COL5A1: variants seen among roughly 807,000 people sequenced by gnomAD.
COL5A1 encodes collagen type V alpha 1 chain, also known as collagen alpha-1(V) chain.
In COL5A1, 16 loss-of-function variants were observed where a neutral mutation model predicts 263.7. That is an observed-to-expected ratio of 0.06 (90% confidence interval 0.04 to 0.09). The LOEUF is 0.09. Ranked by LOEUF, COL5A1 falls within the 10% of genes least tolerant of loss-of-function variation. The probability of loss-of-function intolerance (pLI) is 1.00; values close to 1 mark genes in which losing one functional copy is unlikely to be tolerated. For synonymous variants in COL5A1, 1,012 were observed against 1,004.5 expected (o/e 1.01, Z -0.14); for missense variants, 2,036 against 2,540.5 (o/e 0.80, Z 4.27).
intron 18 of COL5A1, among the ~76,000 whole-genome samples, chr9:134,760,917 A>ATG (rs1836395568): frequency 6.8e-6 from 1 of 147,714 alleles, no homozygotes; most frequent in East Asian, 2.1e-4. Flanking sequence ...ATGCACACAC[A>ATG]CACGTACACA....
intron 28 of COL5A1, among the ~76,000 whole-genome samples, chr9:134,781,834 C>T (rs1206805798): frequency 6.6e-6 from 1 of 152,246 alleles, no homozygotes; most frequent in Non-Finnish European, 1.5e-5. Context: ...GGGCTGGATT[C>T]TCACTGCACA....
In COL5A1 at chr9:134,843,866, A is replaced by G. The variant is rs1335116487; in HGVS notation, c.*1563A>G. 6.6e-6 allele frequency: 1 copy of G among 152,608 alleles called. No homozygotes were observed. The highest frequency in any genetic ancestry group is 1.5e-5 in the Non-Finnish European group (1 of 68,028). The allele number at this position is 152,608 out of a possible 1,614,324, so 9.5% of individuals were successfully genotyped here. The stretch of plus-strand genomic sequence containing the variant: ...TAGCCTATTTGGATTCCCATCTCAA[A>G]TGTCCTGGATGCGAGCGTCAGCGGC... On this transcript the variant is annotated 3_prime_UTR_variant, in exon 66 of 66. Transcript: ENST00000371817.
At chr9:134,796,521 C>G in intron 35 of COL5A1, 103 bp downstream of exon 35, 1 of 1,216,934 alleles carries the variant, frequency 8.2e-7, no homozygotes. Flanking sequence ...AGGCACGCCT[C>G]AGACCCTGCT....
chr9:134,748,302 C>T (rs78476388), intron 11 of COL5A1, among the ~76,000 whole-genome samples: 1 of 152,004 alleles, frequency 6.6e-6, no homozygotes, highest in East Asian at 1.9e-4. Flanking sequence ...TGCACACACA[C>T]ATGCATTGAT....
chr9:134,832,148 G>A (rs758049894), intron 64 of COL5A1, among the ~76,000 whole-genome samples: 4 of 151,994 alleles, frequency 2.6e-5, no homozygotes, highest in Non-Finnish European at 4.4e-5. Context: ...GCTCACACCT[G>A]TAATCCCAGC....
intron 6 of COL5A1, among the ~76,000 whole-genome samples, chr9:134,729,485 C>T (rs369836340): frequency 1.2e-4 from 18 of 151,258 alleles, no homozygotes; most frequent in East Asian, 1.9e-4. Context: ...CATGCAGGCA[C>T]GGGTGTGCTT....
In COL5A1 at chr9:134,814,793, C is replaced by G; in HGVS notation, c.3907-4C>G. 6.4e-7 allele frequency: 1 copy of G among 1,550,992 alleles called. No individual in the cohort carries two copies. Among genetic ancestry groups the G allele is most frequent in the Admixed American group, 2.0e-5 (1 of 51,072 alleles). Reference sequence around the variant, plus strand: ...AGGACTTGACACTGGCCTCTTTCCTCCAGGGACCCAAAGGAGAAAGGGGAG... The same window carrying G: ...AGGACTTGACACTGGCCTCTTTCCTGCAGGGACCCAAAGGAGAAAGGGGAG... On this transcript the variant is annotated splice_polypyrimidine_tract_variant and splice_region_variant and intron_variant, in intron 49 of 65. Coordinates refer to ENST00000371817, the MANE Select transcript of COL5A1 (RefSeq NM_000093.5).
chr9:134,789,260 C>T lies in COL5A1; in HGVS notation c.2700+52C>T, dbSNP rs1837586443. On this transcript the variant is annotated intron_variant, in intron 32 of 65. Transcript: ENST00000371817. This position sits in a 1 kb window ranked among gnomAD's most constrained non-coding sequence, Gnocchi z 4.8. ...GCAGCTTGTTCGGCTGCCTCGGTGC[C>T]TAGCAAGTTGGTTCTCCAGCCGACG... 1 of 1,506,306 alleles carries T rather than the reference C, an allele frequency of 6.6e-7. No individual in the cohort carries two copies. Among genetic ancestry groups the T allele is most frequent in the Non-Finnish European group, 9.2e-7 (1 of 1,086,076 alleles). 93.3% of individuals were successfully genotyped at this position (1,506,306 alleles called of 1,614,324 possible).
intron 4 of COL5A1, among the ~76,000 whole-genome samples, chr9:134,701,751 G>T (rs763746005): frequency 6.6e-6 from 1 of 152,214 alleles, no homozygotes; most frequent in Non-Finnish European, 1.5e-5. Flanking sequence ...CTGGGCCACC[G>T]TGTGGACGCA....
chr9:134,693,291 C>T lies in COL5A1; in HGVS notation c.277+2212C>T, dbSNP rs906145590. ...TGAGCCGAGATCGCGCCATTGCACT[C>T]CAGCCTGGGCAACGGAGTGAGTGAG... On this transcript the variant is annotated intron_variant, in intron 2 of 65. Coordinates refer to ENST00000371817, the MANE Select transcript of COL5A1 (RefSeq NM_000093.5). Among the ~76,000 whole-genome samples the T allele has an allele frequency of 5.3e-5, 8 of 152,252 alleles. No homozygotes were observed. The South Asian group carries it at 1.7e-3, about 32-fold the overall frequency.
rs972844600 is a variant in COL5A1, at chr9:134,741,951, C to G, written c.1494+3143C>G. Among the ~76,000 whole-genome samples, 4 of 152,076 alleles carry G rather than the reference C, an allele frequency of 2.6e-5. No homozygotes were observed. Among genetic ancestry groups the G allele is most frequent in the African/African-American group, 9.7e-5 (4 of 41,444 alleles). On this transcript the variant is annotated intron_variant, in intron 11 of 65. Coordinates refer to ENST00000371817, the MANE Select transcript of COL5A1 (RefSeq NM_000093.5). The surrounding 1 kb of genome is among the most constrained non-coding windows in gnomAD (Gnocchi z 4.5). ...GGTGAGTTCCTCAAGACAGGCCTCA[C>G]TTCTGTGCCCTTCCTCACACCCTGC...
In COL5A1 at chr9:134,839,180, G is replaced by A. The variant is rs574839973; in HGVS notation, c.5371-2977G>A. The stretch of plus-strand genomic sequence containing the variant: ...CGCCTGATTGACGGGGCCGCTGAGC[G>A]GGCCCAGTGGAGAGGCACAAATCAC... On this transcript the variant is annotated intron_variant, in intron 65 of 65. Transcript: ENST00000371817. Among the ~76,000 whole-genome samples, 7 of 152,340 alleles carry A rather than the reference G, an allele frequency of 4.6e-5. No individual in the cohort carries two copies. The East Asian group carries it at 5.8e-4, about 13-fold the overall frequency.
chr9:134,820,250 T>G, intron 58 of COL5A1, 27 bp downstream of exon 58: 2 of 1,580,544 alleles, frequency 1.3e-6, no homozygotes, highest in Non-Finnish European at 1.7e-6. Flanking sequence ...TTCTTGCATG[T>G]GGGCTGTCGA....
chr9:134,762,088 T>C, intron 19 of COL5A1, 110 bp downstream of exon 19: 1 of 1,108,964 alleles, frequency 9.0e-7, no homozygotes, highest in Non-Finnish European at 1.4e-6. Context: ...CTGCCGCATG[T>C]GGAGGGCCAG....
At chr9:134,796,112 C>T (rs894855865) in intron 34 of COL5A1, among the ~76,000 whole-genome samples, 10 of 152,198 alleles carry the variant, frequency 6.6e-5, no homozygotes, top group African/African-American at 2.4e-4. Context: ...CAGCCTTTGT[C>T]CCACTCAGGA....
At chr9:134,744,663 A>C (rs1835427280) in intron 11 of COL5A1, among the ~76,000 whole-genome samples, 1 of 152,018 alleles carries the variant, frequency 6.6e-6, no homozygotes, top group Non-Finnish European at 1.5e-5. Flanking sequence ...GTACGCTCAC[A>C]CACATGCACA....
chr9:134,813,970 A>G lies in COL5A1; in HGVS notation c.3853-13A>G, dbSNP rs1838639397. 1 of 1,550,866 alleles carries G rather than the reference A, an allele frequency of 6.4e-7. No homozygotes were observed. Among genetic ancestry groups the G allele is most frequent in the African/African-American group, 1.4e-5 (1 of 73,176 alleles). On this transcript the variant is annotated splice_polypyrimidine_tract_variant and intron_variant, in intron 48 of 65. Transcript: ENST00000371817. ...GCTCACCGCTGCCATAACCACATGC[A>G]CTGTCTCCCTAGGGCGAGCCTGGCG...
chr9:134,772,679 G>T, intron 25 of COL5A1, 111 bp from the exon 26 acceptor site: 1 of 1,172,772 alleles, frequency 8.5e-7, no homozygotes, highest in Non-Finnish European at 1.3e-6. Context: ...GTTTTCCTGG[G>T]GAGGAAGGGA....
At chr9:134,817,919 G>A in intron 54 of COL5A1, 88 bp downstream of exon 54, 1 of 1,350,824 alleles carries the variant, frequency 7.4e-7, no homozygotes, top group East Asian at 2.5e-5. Flanking sequence ...TGTGGGCAGA[G>A]ATGTCCATGG....
Sources: allele counts gnomAD v4.1 joint callset (sites outside exome capture counted in the v4.1 genomes callset), GRCh38; gene constraint gnomAD v4.1.1; non-coding constraint Gnocchi (gnomAD v3.1); transcripts MANE v1.5; gene names NCBI Gene and HGNC (gene_info 2026-07-23, HGNC 2026-07-21).